Variants in AQP7B observed in about 807,000 individuals in gnomAD.
AQP7B encodes the protein putative aquaporin-7B.
At chr2:94,593,627 A>C in the AQP7B span, among the ~76,000 whole-genome samples, 3 of 151,952 alleles carry the variant, frequency 2.0e-5, no homozygotes, top group African/African-American at 7.3e-5. Flanking sequence ...CTGGGATTAC[A>C]GGCATGTGCC....
At chr2:94,597,906 A>T in the AQP7B span, among the ~76,000 whole-genome samples, 1 of 152,078 alleles carries the variant, frequency 6.6e-6, no homozygotes, top group Non-Finnish European at 1.5e-5. Context: ...TGCCCAGCCC[A>T]ATATCACAGT....
chr2:94,591,355 C>A, the AQP7B span, among the ~76,000 whole-genome samples: 1 of 152,182 alleles, frequency 6.6e-6, no homozygotes, highest in South Asian at 2.1e-4. Flanking sequence ...GACCTGAGGG[C>A]ATCGCTGAGC....
chr2:94,603,418 G>C, the AQP7B span: 17 of 1,609,278 alleles, frequency 1.1e-5, no homozygotes, highest in East Asian at 3.8e-4. Flanking sequence ...AGAGCTGATG[G>C]TGACCGGTCC....
At chr2:94,595,230 T>C in the AQP7B span, among the ~76,000 whole-genome samples, 1 of 151,636 alleles carries the variant, frequency 6.6e-6, no homozygotes, top group Non-Finnish European at 1.5e-5. Context: ...AAGTCAGGAG[T>C]TCGAAACCAG....
chr2:94,592,268 C>G, the AQP7B span, among the ~76,000 whole-genome samples: 1 of 152,158 alleles, frequency 6.6e-6, no homozygotes, highest in African/African-American at 2.4e-5. Flanking sequence ...CTAAATTCCC[C>G]TGACCTCGCA....
chr2:94,601,626 T>C, the AQP7B span, among the ~76,000 whole-genome samples: 7 of 152,024 alleles, frequency 4.6e-5, no homozygotes, highest in African/African-American at 7.2e-5. Flanking sequence ...GGCCAGTGTG[T>C]TCTCTCCTGC....
chr2:94,603,716 G>C, the AQP7B span: 4 of 1,480,556 alleles, frequency 2.7e-6, no homozygotes, highest in Non-Finnish European at 3.7e-6. Flanking sequence ...CCTCAGGAGT[G>C]GCTGACCAGG....
At chr2:94,592,904 A>G in the AQP7B span, among the ~76,000 whole-genome samples, 1 of 134,916 alleles carries the variant, frequency 7.4e-6, no homozygotes, top group Non-Finnish European at 1.5e-5. Flanking sequence ...GCTCACTGCA[A>G]CCTCTGCCTT....
the AQP7B span, among the ~76,000 whole-genome samples, chr2:94,600,876 C>CAAAAA: frequency 2.4e-5 from 2 of 84,596 alleles, no homozygotes; most frequent in East Asian, 3.3e-4. Flanking sequence ...AAGACTGTCT[C>CAAAAA]AAAAAAAAAA....
chr2:94,594,938 T>C, the AQP7B span: 2 of 947,338 alleles, frequency 2.1e-6, no homozygotes, highest in Admixed American at 1.9e-5. Flanking sequence ...CCCCTCCCCA[T>C]GCTGACCCCA....
the AQP7B span, among the ~76,000 whole-genome samples, chr2:94,601,578 G>C: frequency 1.3e-5 from 2 of 152,242 alleles, no homozygotes; most frequent in African/African-American, 4.8e-5. Flanking sequence ...GTGGAAGCCA[G>C]ATTGAGGAGG....
At chr2:94,604,135 A>G in the AQP7B span, among the ~76,000 whole-genome samples, 6 of 152,124 alleles carry the variant, frequency 3.9e-5, no homozygotes, top group South Asian at 2.1e-4. Context: ...CTGTCCCTGA[A>G]TCGGGCTGAG....
At chr2:94,603,829 G>T in the AQP7B span, 586 of 1,478,818 alleles carry the variant, frequency 4.0e-4, no homozygotes, top group Non-Finnish European at 5.1e-4. Context: ...CATCATCAGG[G>T]TGTCCCATGG....
At chr2:94,591,431 A>T in the AQP7B span, among the ~76,000 whole-genome samples, 1 of 152,070 alleles carries the variant, frequency 6.6e-6, no homozygotes, top group African/African-American at 2.4e-5. Flanking sequence ...TCTTGTGGCC[A>T]TTGGCACTGC....
At chr2:94,591,571 A>T in the AQP7B span, among the ~76,000 whole-genome samples, 3 of 151,618 alleles carry the variant, frequency 2.0e-5, no homozygotes, top group Non-Finnish European at 4.4e-5. Flanking sequence ...GAAATCCTCC[A>T]CTTGGCCCAT....
chr2:94,599,866 CT>C, the AQP7B span, among the ~76,000 whole-genome samples: 9 of 143,728 alleles, frequency 6.3e-5, no homozygotes, highest in African/African-American at 1.4e-4. Context: ...CCTTTCAACT[CT>C]TTTTTTTTTC....
At chr2:94,594,847 G>C in the AQP7B span, 1 of 1,554,930 alleles carries the variant, frequency 6.4e-7, no homozygotes, top group East Asian at 2.3e-5. Context: ...GTTCTTGGCC[G>C]AGTTCATGAG....
At chr2:94,603,912 G>A in the AQP7B span, 5 of 1,294,508 alleles carry the variant, frequency 3.9e-6, no homozygotes, top group African/African-American at 7.3e-5. Flanking sequence ...TTGCTGGCTG[G>A]GGCAAACAGG....
chr2:94,590,272 T>G, the AQP7B span, among the ~76,000 whole-genome samples: 10 of 152,216 alleles, frequency 6.6e-5, no homozygotes, highest in African/African-American at 2.2e-4. Context: ...AACTTCTGCT[T>G]CTTGGGCTCA....
Sources: gnomAD v4.1 joint callset for allele counts (sites outside exome capture counted in the v4.1 genomes callset) on GRCh38, gnomAD v4.1.1 for gene constraint, MANE v1.5 for transcripts, NCBI Gene and HGNC (gene_info 2026-07-23, HGNC 2026-07-21) for gene names.